Variants in FAT3 observed in about 807,000 individuals in gnomAD.
FAT3 encodes protocadherin Fat 3.
In FAT3, 95 loss-of-function variants were observed where a neutral mutation model predicts 310.2. That is an observed-to-expected ratio of 0.31 (90% CI 0.26 to 0.36). FAT3 has a LOEUF of 0.36. Among genes scored for constraint, FAT3 ranks in the 10% least tolerant of loss-of-function variants. The pLI is 1.00. For synonymous variants in FAT3, 2,314 were observed against 2,192.9 expected, an observed-to-expected ratio of 1.06 and a Z score of -1.54; for missense variants, 5,408 against 5,715.6, an observed-to-expected ratio of 0.95 and a Z score of 1.74.
chr11:92,866,906 C>T lies in FAT3; in HGVS notation c.11824C>T (p.Arg3942Trp), dbSNP rs190745363. Residue 3942 changes from arginine (R) to tryptophan (W), a missense_variant, in exon 22 of 28, where the codon CGG (arginine) becomes TGG (tryptophan). By Grantham distance (101) the Arg-to-Trp change is moderately radical. Coordinates refer to ENST00000525166, the MANE Select transcript of FAT3 (RefSeq NM_001367949.2). ...GGATGACAGCTACGTGGAGCGGCGC[C>T]GGGCGCCCCTCTACTTCCAGACGCT... is the stretch of plus-strand genomic sequence containing the variant. Reference protein sequence around the residue: ...SLDDSYVERRRAPLYFQTLST... With the variant: ...SLDDSYVERRWAPLYFQTLST... The T allele has an allele frequency of 8.1e-6, 13 of 1,613,982 alleles. No individual in the cohort carries two copies. In the Admixed American group the frequency reaches 2.2e-4, roughly 27 times the overall value.
intron 4 of FAT3, among the ~76,000 whole-genome samples, chr11:92,706,583 A>G (rs1055649655): frequency 6.6e-6 from 1 of 152,172 alleles, no homozygotes; most frequent in African/African-American, 2.4e-5. Flanking sequence ...TTACATGTTG[A>G]CAACTCCATC....
At chr11:92,419,510 C>A (rs999529548) in intron 2 of FAT3, among the ~76,000 whole-genome samples, 2 of 151,954 alleles carry the variant, frequency 1.3e-5, no homozygotes, top group Non-Finnish European at 2.9e-5. Flanking sequence ...ACTGAAGATT[C>A]CCATGAAGAC....
chr11:92,545,566 G>A (rs1271786866), intron 3 of FAT3, among the ~76,000 whole-genome samples: 10 of 152,162 alleles, frequency 6.6e-5, no homozygotes, highest in South Asian at 4.1e-4. Flanking sequence ...TGGTTCAAAT[G>A]TATAGTCAGT....
intron 2 of FAT3, chr11:92,366,672 C>T: frequency 5.6e-6 from 3 of 535,218 alleles, no homozygotes; most frequent in South Asian, 2.8e-5. Flanking sequence ...ACATGCTTGA[C>T]AATGGTTGGA....
At chr11:92,515,580 C>G (rs1953452427) in intron 2 of FAT3, among the ~76,000 whole-genome samples, 1 of 151,996 alleles carries the variant, frequency 6.6e-6, no homozygotes, top group African/African-American at 2.4e-5. Flanking sequence ...GGTCTTGAGT[C>G]TGACAAACTA....
intron 4 of FAT3, among the ~76,000 whole-genome samples, chr11:92,737,546 TGA>T (rs150817569): frequency 9.3e-5 from 14 of 150,500 alleles, no homozygotes; most frequent in Admixed American, 2.0e-4. Context: ...TCTGTGTGTG[TGA>T]GAGAGAGAGA....
chr11:92,353,048 C>T lies in FAT3; in HGVS notation c.936C>T (p.Phe312=). ...TGGCTGGGGATCCTTTAGATCAGTT[C>T]TTCCTGGCTAAGGAAGGAAAGTGGT... The part of the protein sequence containing the change: ...SIVAGDPLDQ[F]FLAKEGKWLN... The change falls in exon 2 of 28, where the codon TTC becomes TTT. Residue 312 remains phenylalanine (F), a synonymous_variant. Transcript: ENST00000525166. 2 of 1,613,640 alleles carry T rather than the reference C, an allele frequency of 1.2e-6. No individual in the cohort carries two copies. The highest frequency in any genetic ancestry group is 1.7e-6 in the Non-Finnish European group (2 of 1,179,852).
chr11:92,242,854 C>G (rs571919418), intron 1 of FAT3, among the ~76,000 whole-genome samples: 1 of 151,892 alleles, frequency 6.6e-6, no homozygotes, highest in Non-Finnish European at 1.5e-5. Context: ...GAGTTCTGAG[C>G]TTGATGCTCT....
chr11:92,505,306 T>C (rs1953066081), intron 2 of FAT3, among the ~76,000 whole-genome samples: 1 of 152,168 alleles, frequency 6.6e-6, no homozygotes, highest in South Asian at 2.1e-4. Flanking sequence ...TTCTGACTGA[T>C]GCTGCTTCCA....
chr11:92,378,914 A>G (rs760829062), intron 2 of FAT3, among the ~76,000 whole-genome samples: 6 of 152,180 alleles, frequency 3.9e-5, no homozygotes, highest in East Asian at 3.9e-4. Context: ...CACTAATCCC[A>G]TTACTGAGGA....
intron 1 of FAT3, among the ~76,000 whole-genome samples, chr11:92,313,411 A>G (rs999264246): frequency 2.0e-5 from 3 of 152,216 alleles, no homozygotes; most frequent in Non-Finnish European, 2.9e-5. Context: ...ATGTGATAAT[A>G]TGCCATGTTT....
At chr11:92,271,689 T>A (rs1196912515) in intron 1 of FAT3, among the ~76,000 whole-genome samples, 1 of 152,152 alleles carries the variant, frequency 6.6e-6, no homozygotes, top group East Asian at 1.9e-4. Flanking sequence ...ATTTGTCTCT[T>A]CCCTTCTGTA....
chr11:92,413,551 G>A (rs1331440193), intron 2 of FAT3, among the ~76,000 whole-genome samples: 2 of 152,068 alleles, frequency 1.3e-5, no homozygotes, highest in Non-Finnish European at 2.9e-5. Context: ...TGTGGGAAGG[G>A]GATAAAGGAA....
chr11:92,729,506 A>G, intron 4 of FAT3, among the ~76,000 whole-genome samples: 1 of 146,462 alleles, frequency 6.8e-6, no homozygotes, highest in South Asian at 2.2e-4. Flanking sequence ...GGCTCACTGC[A>G]CCCTCTGCCT....
At chr11:92,503,120 G>T (rs181402102) in intron 2 of FAT3, among the ~76,000 whole-genome samples, 29 of 152,128 alleles carry the variant, frequency 1.9e-4, no homozygotes, top group Non-Finnish European at 2.9e-4. Flanking sequence ...TGGTGTTAGG[G>T]TTCCATTTTT....
intron 1 of FAT3, among the ~76,000 whole-genome samples, chr11:92,251,488 T>C (rs1412014825): frequency 4.6e-5 from 7 of 152,158 alleles, no homozygotes; most frequent in Non-Finnish European, 8.8e-5. Flanking sequence ...TGAAATAAAA[T>C]TGCCTCATGA....
chr11:92,451,706 A>C (rs1565327344), intron 2 of FAT3, among the ~76,000 whole-genome samples: 1 of 152,186 alleles, frequency 6.6e-6, no homozygotes, highest in African/African-American at 2.4e-5. Flanking sequence ...TGTGAAACAG[A>C]GGGAAGTGAA....
chr11:92,278,383 C>T (rs550462478), intron 1 of FAT3, among the ~76,000 whole-genome samples: 3 of 152,114 alleles, frequency 2.0e-5, no homozygotes, highest in South Asian at 2.1e-4. Flanking sequence ...TTTTATGCTT[C>T]GCCATGGTAG....
At chr11:92,329,929 G>C (rs1947869171) in intron 1 of FAT3, among the ~76,000 whole-genome samples, 1 of 151,474 alleles carries the variant, frequency 6.6e-6, no homozygotes, top group South Asian at 2.1e-4. Context: ...TTTGACCTGT[G>C]CTTAGTACAC....
Sources: gnomAD v4.1 joint callset for allele counts (sites outside exome capture counted in the v4.1 genomes callset) on GRCh38, gnomAD v4.1.1 for gene constraint, MANE v1.5 for transcripts, NCBI Gene and HGNC (gene_info 2026-07-23, HGNC 2026-07-21) for gene names.